The following ATXN2L variants were observed in gnomAD, a reference collection of about 807,000 sequenced individuals.
The protein encoded by ATXN2L is ataxin-2-like protein.
Under a neutral mutation model 120.7 loss-of-function variants are expected in ATXN2L, and 24 were observed. The ratio of observed to expected loss-of-function variants is 0.20; its 90% confidence interval spans 0.14 to 0.28. ATXN2L has a LOEUF of 0.28. Among genes scored for constraint, ATXN2L ranks in the 10% least tolerant of loss-of-function variants. The pLI, the probability that ATXN2L is intolerant of heterozygous loss-of-function variation, is 1.00. For synonymous variants in ATXN2L, 653 were observed against 568.1 expected (o/e 1.15, Z -2.13); for missense variants, 1,312 against 1,432.3 (o/e 0.92, Z 1.36).
Position 28,836,748 on chromosome 16 carries a change from C to T in ATXN2L, c.*483C>T. ...ACCAGTTCAATCTCATCCCTCCCAG[C>T]AGCTCCCCTTCCACCCCCCGGGGAA... On this transcript the variant is annotated 3_prime_UTR_variant, in exon 22 of 22. Coordinates refer to ENST00000336783, the MANE Select transcript of ATXN2L (RefSeq NM_007245.4). The T allele has an allele frequency of 6.2e-7, 1 of 1,614,088 alleles. No homozygotes were observed. Among genetic ancestry groups the T allele is most frequent in the South Asian group, 1.1e-5 (1 of 91,076 alleles).
rs754215571 is a variant in ATXN2L at position 28,830,695 on chromosome 16, G to A, written c.1115G>A (p.Gly372Asp). The stretch of plus-strand genomic sequence containing the variant: ...GTTCGATGCAGCAGCTCTCGGGGCG[G>A]TCGGCCTGGCCTTAGCTCTTTGCCA... ...GGVRCSSSRG[G>D]RPGLSSLPPR... The change falls in exon 9 of 22, where the codon GGT becomes GAT. Residue 372 changes from glycine (G) to aspartate (D), a missense_variant. Physicochemically the swap from Gly to Asp is moderately conservative, Grantham distance 94. Coordinates refer to ENST00000336783, the MANE Select transcript of ATXN2L (RefSeq NM_007245.4). 5.0e-6 allele frequency: 8 copies of A among 1,613,842 alleles called. No individual in the cohort carries two copies. The highest frequency in any genetic ancestry group is 5.9e-6 in the Non-Finnish European group (7 of 1,179,906).
At position 28,836,295 on chromosome 16, in the gene ATXN2L, G is replaced by A; in HGVS notation, c.*30G>A. 1.2e-6 allele frequency: 2 copies of A among 1,609,588 alleles called. No homozygotes were observed. The highest frequency in any genetic ancestry group is 1.7e-6 in the Non-Finnish European group (2 of 1,177,618). ...TCTTGGAGGCAGGGCTGTCCCACAG[G>A]GCGCCCGCCGACCTGCACCTGTCTG... On this transcript the variant is annotated 3_prime_UTR_variant, in exon 22 of 22. Transcript: ENST00000336783.
intron 1 of ATXN2L, among the ~76,000 whole-genome samples, chr16:28,824,947 G>T (rs753301209): frequency 3.3e-5 from 5 of 151,930 alleles, no homozygotes; most frequent in African/African-American, 4.8e-5. Flanking sequence ...AGTGGCTCAC[G>T]CCTGTAATGC....
chr16:28,835,938 T>C lies in ATXN2L; in HGVS notation c.2901T>C (p.His967=), dbSNP rs1319583313. Residue 967 remains histidine, a synonymous_variant, in exon 22 of 22, where the codon CAT becomes CAC. Coordinates refer to ENST00000336783, the MANE Select transcript of ATXN2L (RefSeq NM_007245.4). The part of the protein sequence containing the change: ...FTNMAHVTQA[H]VQTGITAAPP... Reference sequence around the variant, plus strand: ...TACTTTTTTGTTTTCCACAGGCCCATGTCCAAACTGGAATCACAGCAGCCC... The same window carrying C: ...TACTTTTTTGTTTTCCACAGGCCCACGTCCAAACTGGAATCACAGCAGCCC... 1.3e-6 allele frequency: 2 copies of C among 1,542,004 alleles called. No individual in the cohort carries two copies. Among genetic ancestry groups the C allele is most frequent in the Middle Eastern group, 1.8e-4 (1 of 5,500 alleles).
At chr16:28,825,928 G>A in intron 4 of ATXN2L, 87 bp downstream of exon 4, 4 of 1,273,172 alleles carry the variant, frequency 3.1e-6, no homozygotes, top group Non-Finnish European at 3.4e-6. Context: ...ATTGGGTGAT[G>A]TCAGAGTATG....
At chr16:28,834,009 T>C in intron 15 of ATXN2L, 56 bp from the exon 16 acceptor site, 1 of 1,569,232 alleles carries the variant, frequency 6.4e-7, no homozygotes, top group Non-Finnish European at 8.7e-7. Context: ...ACTCTAGGCA[T>C]GGCCAGGAGT....
At position 28,823,224 on chromosome 16, in the gene ATXN2L, C is replaced by A. The variant is rs780789806; in HGVS notation, c.-36C>A. 10 of 1,353,940 alleles carry A rather than the reference C, an allele frequency of 7.4e-6. No homozygotes were observed. The East Asian group carries it at 1.5e-4, about 20-fold the overall frequency. The allele number at this position is 1,353,940 out of a possible 1,614,324, so 83.9% of individuals were successfully genotyped here. A position where few individuals can be genotyped will look rare whatever the true frequency, so the allele number is the denominator to read the frequency against. ...CCCAGCCCCGGCCCCCTCTCTCCCT[C>A]CCTTCTCTCTAATTCCCCTTCCGGA... On this transcript the variant is annotated 5_prime_UTR_variant, in exon 1 of 22. Coordinates refer to ENST00000336783, the MANE Select transcript of ATXN2L (RefSeq NM_007245.4).
chr16:28,831,689 C>A (rs1290581571), intron 10 of ATXN2L, among the ~76,000 whole-genome samples: 1 of 152,032 alleles, frequency 6.6e-6, no homozygotes, highest in African/African-American at 2.4e-5. Context: ...GAGTTTAAGA[C>A]CAGCCTGGGC....
rs775382827 is a variant in ATXN2L at position 28,833,027 on chromosome 16, C to T, written c.1660-32C>T. ...AGAAAGCCAGGACTAGGGTCTGGGTCAGACTGGACTGTGTGTGTTTCTCTC... is the reference window on the plus strand; with the variant it reads ...AGAAAGCCAGGACTAGGGTCTGGGTTAGACTGGACTGTGTGTGTTTCTCTC... On this transcript the variant is annotated intron_variant, in intron 13 of 21. Coordinates refer to ENST00000336783, the MANE Select transcript of ATXN2L (RefSeq NM_007245.4). 3.1e-6 allele frequency: 5 copies of T among 1,606,978 alleles called. No individual in the cohort carries two copies. The Admixed American group carries it at 8.4e-5, about 27-fold the overall frequency.
At chr16:28,824,380 G>A in intron 1 of ATXN2L, 1 of 1,250,668 alleles carries the variant, frequency 8.0e-7, no homozygotes, top group Non-Finnish European at 1.0e-6. Context: ...AAAGTCCCGT[G>A]GGTTTTAGTG....
In ATXN2L at chr16:28,834,702, G is replaced by A. The variant is rs375123323; in HGVS notation, c.2433+9G>A. The A allele has an allele frequency of 9.4e-6, 15 of 1,599,444 alleles. 1 individual carries two copies. Among genetic ancestry groups the A allele is most frequent in the African/African-American group, 4.0e-5 (3 of 74,570 alleles). On this transcript the variant is annotated intron_variant, in intron 18 of 21. Coordinates refer to ENST00000336783, the MANE Select transcript of ATXN2L (RefSeq NM_007245.4). ...CCCACTACCCCTCACAGGTGACTGC[G>A]GCCCAGGAGGGCAGTGAGGATCCAG... is the stretch of plus-strand genomic sequence containing the variant.
At position 28,825,692 on chromosome 16, in the gene ATXN2L, C is replaced by G; in HGVS notation, c.393+12C>G. The G allele has an allele frequency of 6.2e-7, 1 of 1,614,120 alleles. No individual in the cohort carries two copies. The highest frequency in any genetic ancestry group is 2.2e-5 in the East Asian group (1 of 44,894). ...TTACAGCTGTTGTGGTAAGTTGGTA[C>G]TTAACCCCCGGGTTGTTTAAGGAAC... On this transcript the variant is annotated intron_variant, in intron 3 of 21. Coordinates refer to ENST00000336783, the MANE Select transcript of ATXN2L (RefSeq NM_007245.4).
intron 1 of ATXN2L, chr16:28,824,665 A>G (rs2151906233): frequency 9.4e-7 from 1 of 1,058,598 alleles, no homozygotes; most frequent in East Asian, 6.4e-5. Flanking sequence ...TTGGGAGGTA[A>G]TGTACCTGAG....
chr16:28,835,564 G>T lies in ATXN2L; in HGVS notation c.2701G>T (p.Ala901Ser). Reference sequence around the variant, plus strand: ...TCCCCAGCAGCATCAGGCGGGGCAGGCCCCACACTTGGGCAGTGGACAGCC... The same window carrying T: ...TCCCCAGCAGCATCAGGCGGGGCAGTCCCCACACTTGGGCAGTGGACAGCC... ...PSPVQHQAGQ[A>S]PHLGSGQPQQ... Residue 901 changes from alanine to serine, a missense_variant, in exon 21 of 22, where the codon GCC (alanine) becomes TCC (serine). Coordinates refer to ENST00000336783, the MANE Select transcript of ATXN2L (RefSeq NM_007245.4). 2 of 1,613,672 alleles carry T rather than the reference G, an allele frequency of 1.2e-6. No individual in the cohort carries two copies. Among genetic ancestry groups the T allele is most frequent in the South Asian group, 1.1e-5 (1 of 91,054 alleles).
At position 28,833,174 on chromosome 16, in the gene ATXN2L, T is replaced by G; in HGVS notation, c.1775T>G (p.Met592Arg). 6.2e-7 allele frequency: 1 copy of G among 1,614,142 alleles called. No homozygotes were observed. The highest frequency in any genetic ancestry group is 1.1e-5 in the South Asian group (1 of 91,088). The change falls in exon 14 of 22, where the codon ATG (methionine) becomes AGG (arginine). Residue 592 changes from methionine to arginine, a missense_variant. Met to Arg is a moderately conservative substitution (Grantham distance 91, BLOSUM62 -1). Transcript: ENST00000336783. Reference protein sequence around the residue: ...EVDGLLTSEPMGSPVSSKTES... With the variant: ...EVDGLLTSEPRGSPVSSKTES... The stretch of plus-strand genomic sequence containing the variant: ...GATGGTCTGTTGACTTCAGAGCCCA[T>G]GGGGTCTCCCGTCTCCTCCAAGACA...
chr16:28,830,893 G>A (rs2054128312), intron 9 of ATXN2L, 69 bp from the exon 10 acceptor site: 24 of 1,499,938 alleles, frequency 1.6e-5, no homozygotes, highest in Admixed American at 4.4e-5. Flanking sequence ...ACGCTGCATC[G>A]GTGGGAATGT....
intron 6 of ATXN2L, among the ~76,000 whole-genome samples, 163 bp downstream of exon 6, chr16:28,827,149 C>G (rs1055615170): frequency 1.3e-5 from 2 of 152,192 alleles, no homozygotes; most frequent in Non-Finnish European, 2.9e-5. Context: ...AATATCTATT[C>G]TTAGCTGGGT....
chr16:28,830,195 A>G, intron 8 of ATXN2L, 137 bp downstream of exon 8: 1 of 833,934 alleles, frequency 1.2e-6, no homozygotes, highest in Non-Finnish European at 1.7e-6. Context: ...GGTTGAGGTA[A>G]AGCGAGATTA....
chr16:28,828,271 C>T (rs1434663967), intron 6 of ATXN2L, among the ~76,000 whole-genome samples: 3 of 152,164 alleles, frequency 2.0e-5, no homozygotes, highest in Admixed American at 6.5e-5. Flanking sequence ...TTGATAATTT[C>T]TGCTGCAGTT....
Sources: gnomAD v4.1 joint callset for allele counts (sites outside exome capture counted in the v4.1 genomes callset) on GRCh38, gnomAD v4.1.1 for gene constraint, MANE v1.5 for transcripts, NCBI Gene and HGNC (gene_info 2026-07-23, HGNC 2026-07-21) for gene names.